The following KIF27 variants were observed in gnomAD, a reference collection of about 807,000 sequenced individuals.
KIF27 encodes kinesin family member 27.
KIF27 carries 84 observed loss-of-function variants against 141.8 expected under a neutral mutation model. The observed-to-expected ratio is 0.59, with a 90% CI of 0.50 to 0.71. The LOEUF (loss-of-function observed/expected upper bound fraction) is 0.71. Among genes scored for constraint, KIF27 ranks in the 30% least tolerant of loss-of-function variants. KIF27 has a pLI of 0.00. For missense variants in KIF27, 1,306 were observed against 1,628.4 expected, an observed-to-expected ratio of 0.80 and a Z score of 3.41; for synonymous variants, 471 against 569.5, an observed-to-expected ratio of 0.83 and a Z score of 2.46.
chr9:83,837,537 G>A, intron 17 of KIF27, 52 bp from the exon 18 acceptor site: 2 of 1,511,696 alleles, frequency 1.3e-6, no homozygotes, highest in African/African-American at 1.4e-5. Context: ...TCAAAATTAG[G>A]TATTTTAATC....
chr9:83,917,030 CG>C (rs1564023120), intron 1 of KIF27, among the ~76,000 whole-genome samples: 1 of 151,606 alleles, frequency 6.6e-6, no homozygotes, highest in African/African-American at 2.4e-5. Flanking sequence ...ATGTGCACAA[CG>C]TGCAGGTTTG....
intron 11 of KIF27, among the ~76,000 whole-genome samples, chr9:83,878,412 C>A (rs1247428783): frequency 1.3e-5 from 2 of 151,950 alleles, no homozygotes; most frequent in Admixed American, 6.6e-5. Context: ...CTCCTAGGTA[C>A]ATACCCAAAG....
chr9:83,897,332 A>G (rs1953371989), intron 5 of KIF27, among the ~76,000 whole-genome samples: 1 of 152,190 alleles, frequency 6.6e-6, no homozygotes, highest in Non-Finnish European at 1.5e-5. Context: ...ATGGACCTTG[A>G]TTTATGATAA....
intron 16 of KIF27, among the ~76,000 whole-genome samples, chr9:83,847,056 AC>A (rs1485692335): frequency 6.6e-6 from 1 of 152,208 alleles, no homozygotes; most frequent in Non-Finnish European, 1.5e-5. Flanking sequence ...GGAAACTACA[AC>A]AGCCCAATCC....
At position 83,903,103 on chromosome 9, in the gene KIF27, T is replaced by C. The variant is rs748995650; in HGVS notation, c.1415A>G (p.His472Arg). Residue 472 changes from histidine to arginine, a missense_variant, in exon 4 of 18, where the codon CAT becomes CGT. His to Arg is a conservative substitution (Grantham distance 29, BLOSUM62 0). Transcript: ENST00000297814. ...TCTCTTCAGCTGGAGAACTGTAACA[T>C]GCTGTGGTCCTTCTTCCAGACTTGC... ...GTASLEEGPQHVTVLQLKREL... is the reference protein window; with the variant it reads ...GTASLEEGPQRVTVLQLKREL... 4.3e-6 allele frequency: 7 copies of C among 1,614,030 alleles called. No individual in the cohort carries two copies. Among genetic ancestry groups the C allele is most frequent in the Non-Finnish European group, 5.9e-6 (7 of 1,179,994 alleles).
Position 83,903,052 on chromosome 9 carries a change from C to A in KIF27, c.1458+8G>T. On this transcript the variant is annotated splice_region_variant and intron_variant, in intron 4 of 17. Coordinates refer to ENST00000297814, the MANE Select transcript of KIF27 (RefSeq NM_017576.4). ...AAATAAATAAATAAATAAGTGATGT[C>A]TAAGTACCTGGCATTTCTTAAGCTC... 6.5e-7 allele frequency: 1 copy of A among 1,543,058 alleles called. No individual in the cohort carries two copies. Among genetic ancestry groups the A allele is most frequent in the Non-Finnish European group, 8.9e-7 (1 of 1,124,896 alleles).
chr9:83,857,081 A>G (rs1949310308), intron 14 of KIF27, among the ~76,000 whole-genome samples: 1 of 149,938 alleles, frequency 6.7e-6, no homozygotes, highest in Admixed American at 6.6e-5. Flanking sequence ...ATTTTACCAA[A>G]AAAAAAAAAA....
At chr9:83,840,634 T>A (rs1946449012) in intron 17 of KIF27, among the ~76,000 whole-genome samples, 1 of 152,188 alleles carries the variant, frequency 6.6e-6, no homozygotes. Flanking sequence ...AAAGCTAAAG[T>A]GGTCTTATGT....
At chr9:83,890,827 A>G (rs1471601941) in intron 6 of KIF27, among the ~76,000 whole-genome samples, 2 of 152,238 alleles carry the variant, frequency 1.3e-5, no homozygotes, top group Non-Finnish European at 2.9e-5. Context: ...GTGTGTATAT[A>G]TTTACCAACC....
intron 3 of KIF27, among the ~76,000 whole-genome samples, chr9:83,907,665 A>G (rs1342149416): frequency 1.3e-5 from 2 of 152,184 alleles, no homozygotes; most frequent in African/African-American, 2.4e-5. Flanking sequence ...TCAATATCAA[A>G]AAACAAAAAT....
intron 16 of KIF27, 59 bp downstream of exon 16, chr9:83,850,040 T>C (rs1948359836): frequency 7.1e-7 from 1 of 1,407,054 alleles, no homozygotes; most frequent in Admixed American, 1.7e-5. Flanking sequence ...CTGTCCTATC[T>C]TCCTTCAGTA....
Position 83,835,531 on chromosome 9 carries a change from T to G in KIF27, c.*1470A>C, listed in dbSNP as rs187037412. ...TTTTCCTTTTTATAAGTTTGTTTTG[T>G]TTTGGTTTGTTTCCTAAAGGAACTG... On this transcript the variant is annotated 3_prime_UTR_variant, in exon 18 of 18. Coordinates refer to ENST00000297814, the MANE Select transcript of KIF27 (RefSeq NM_017576.4). The G allele has an allele frequency of 3.9e-5, 6 of 152,250 alleles. No individual in the cohort carries two copies. Among genetic ancestry groups the G allele is most frequent in the African/African-American group, 1.2e-4 (5 of 41,540 alleles). The allele number at this position is 152,250 out of a possible 1,614,324, so 9.4% of individuals were successfully genotyped here.
At chr9:83,888,958 T>C (rs1952397006) in intron 7 of KIF27, 126 bp downstream of exon 7, 2 of 1,147,456 alleles carry the variant, frequency 1.7e-6, no homozygotes, top group South Asian at 4.4e-5. Flanking sequence ...ATAGTACTTT[T>C]AGCAAAAGTT....
At chr9:83,897,540 A>G (rs1420133522) in intron 5 of KIF27, among the ~76,000 whole-genome samples, 1 of 152,224 alleles carries the variant, frequency 6.6e-6, no homozygotes, top group African/African-American at 2.4e-5. Context: ...AAGTATCCTC[A>G]GAGGAAACAA....
Position 83,904,011 on chromosome 9 carries a change from A to G in KIF27, c.507T>C (p.Val169=). 3.8e-6 allele frequency: 6 copies of G among 1,597,126 alleles called. No homozygotes were observed. The highest frequency in any genetic ancestry group is 5.1e-6 in the Non-Finnish European group (6 of 1,171,978). Residue 169 remains valine (V), a synonymous_variant, in exon 4 of 18, where the codon GTT becomes GTC. Coordinates refer to ENST00000297814, the MANE Select transcript of KIF27 (RefSeq NM_017576.4). ...TCTCCACATGGCATTCCTTGGCCCC[A>G]ACAATCACTTAAAATAGTAATAACA... ...REDEKGNTVI[V]GAKECHVESA...
chr9:83,847,275 T>G (rs1421788444), intron 16 of KIF27, among the ~76,000 whole-genome samples: 3 of 152,246 alleles, frequency 2.0e-5, no homozygotes, highest in Non-Finnish European at 4.4e-5. Context: ...CTCCTTATTT[T>G]GTTAAAAACA....
intron 11 of KIF27, among the ~76,000 whole-genome samples, chr9:83,871,609 G>A (rs1454155545): frequency 6.6e-6 from 1 of 151,944 alleles, no homozygotes; most frequent in African/African-American, 2.4e-5. Flanking sequence ...TTCAAAAATG[G>A]GAGTTTGCAA....
intron 13 of KIF27, among the ~76,000 whole-genome samples, chr9:83,866,433 T>C (rs1950355271): frequency 6.6e-6 from 1 of 152,146 alleles, no homozygotes; most frequent in Non-Finnish European, 1.5e-5. Flanking sequence ...GTTAATAAGC[T>C]CTCATCTATT....
At chr9:83,848,899 A>T (rs1948199869) in intron 16 of KIF27, 1 of 152,026 alleles carries the variant, frequency 6.6e-6, no homozygotes, top group African/African-American at 2.4e-5. Flanking sequence ...TGCAGGCTCA[A>T]CCTCTGGGAC....
Sources: allele counts gnomAD v4.1 joint callset (sites outside exome capture counted in the v4.1 genomes callset), GRCh38; gene constraint gnomAD v4.1.1; transcripts MANE v1.5; gene names NCBI Gene and HGNC (gene_info 2026-07-23, HGNC 2026-07-21).